The following CD36 variants were observed in gnomAD, a reference collection of about 807,000 sequenced individuals.
The protein encoded by CD36 is platelet glycoprotein 4.
Under a neutral mutation model 55.2 loss-of-function variants are expected in CD36, and 119 were observed. The observed-to-expected ratio is 2.15, with a 90% confidence interval of 1.86 to 2.51. The LOEUF is 2.51. CD36 is among the 30% of genes most tolerant of loss of function. The probability of loss-of-function intolerance (pLI) is 0.00; values close to 1 mark genes in which losing one functional copy is unlikely to be tolerated. For synonymous variants in CD36, 186 were observed against 193.6 expected, an observed-to-expected ratio of 0.96 and a Z score of 0.33; for missense variants, 819 against 555.5, an observed-to-expected ratio of 1.47 and a Z score of -4.77.
intron 1 of CD36, among the ~76,000 whole-genome samples, chr7:80,617,060 A>G (rs1279423442): frequency 2.0e-5 from 3 of 152,226 alleles, no homozygotes; most frequent in African/African-American, 7.2e-5. Context: ...AATCACATAG[A>G]CATGAAATAT....
chr7:80,633,874 T>C (rs1308279840), upstream of CD36, among the ~76,000 whole-genome samples: 2 of 152,024 alleles, frequency 1.3e-5, no homozygotes, highest in Non-Finnish European at 2.9e-5. Flanking sequence ...TAGAATGAAA[T>C]TTTATGTTTT....
intron 1 of CD36, among the ~76,000 whole-genome samples, chr7:80,614,560 A>G (rs1562770679): frequency 6.6e-6 from 1 of 151,938 alleles, no homozygotes; most frequent in Non-Finnish European, 1.5e-5. Context: ...TTAGTCTGTG[A>G]TTTTTTTGCA....
chr7:80,651,554 C>G (rs1425112853), intron 3 of CD36, among the ~76,000 whole-genome samples: 1 of 152,028 alleles, frequency 6.6e-6, no homozygotes, highest in Non-Finnish European at 1.5e-5. Flanking sequence ...AACAATGATC[C>G]TTCTGTAGCT....
At chr7:80,664,107 C>T (rs1796790410) in intron 6 of CD36, among the ~76,000 whole-genome samples, 1 of 151,910 alleles carries the variant, frequency 6.6e-6, no homozygotes, top group African/African-American at 2.4e-5. Context: ...GTTCAATGTC[C>T]CTCACCTCAA....
At chr7:80,628,930 A>G (rs1349779434) in intron 1 of CD36, among the ~76,000 whole-genome samples, 1 of 152,066 alleles carries the variant, frequency 6.6e-6, no homozygotes, top group Non-Finnish European at 1.5e-5. Context: ...GTTTCTGACT[A>G]GCTTCTCCAA....
intron 1 of CD36, among the ~76,000 whole-genome samples, chr7:80,606,557 T>C (rs1246928691): frequency 6.6e-6 from 1 of 152,230 alleles, no homozygotes; most frequent in Non-Finnish European, 1.5e-5. Flanking sequence ...TTCCCCAGTC[T>C]GCATGCAAAA....
chr7:80,673,280 G>A (rs1485738098), intron 12 of CD36, 75 bp from the exon 13 acceptor site: 3 of 702,368 alleles, frequency 4.3e-6, no homozygotes, highest in Non-Finnish European at 7.3e-6. Context: ...ACTAATTTAT[G>A]AACATTTATT....
At chr7:80,662,524 A>G (rs956653973) in intron 5 of CD36, 4 of 291,032 alleles carry the variant, frequency 1.4e-5, no homozygotes, top group Admixed American at 7.2e-5. Flanking sequence ...CACGCCTGCA[A>G]CAATTGTCTG....
Position 80,670,230 on chromosome 7 carries a change from A to C in CD36, c.818+208A>C, listed in dbSNP as rs1032013081. 3.4e-5 allele frequency: 19 copies of C among 565,698 alleles called. No individual in the cohort carries two copies. The African/African-American group carries it at 3.4e-4, about 10-fold the overall frequency. 35.0% of individuals were successfully genotyped at this position (565,698 alleles called of 1,614,324 possible). ...CTAAGCAAGAACCATTTTGCCTTTT[A>C]AAAACTAAACTAGTAGTCTATTAAC... is the stretch of plus-strand genomic sequence containing the variant. On this transcript the variant is annotated intron_variant, in intron 9 of 14. Coordinates refer to ENST00000447544, the MANE Select transcript of CD36 (RefSeq NM_001001548.3).
chr7:80,634,954 A>G (rs1231410840), upstream of CD36, among the ~76,000 whole-genome samples: 1 of 152,182 alleles, frequency 6.6e-6, no homozygotes, highest in Non-Finnish European at 1.5e-5. Context: ...AATTAAAAAA[A>G]AATTGTCAAA....
intron 1 of CD36, among the ~76,000 whole-genome samples, chr7:80,627,035 C>A (rs1254435591): frequency 2.0e-5 from 3 of 151,976 alleles, no homozygotes; most frequent in Non-Finnish European, 4.4e-5. Flanking sequence ...CTGAGACAGA[C>A]TATTACAAGG....
Position 80,673,964 on chromosome 7 carries a change from A to G in CD36, c.1255-19A>G. The G allele has an allele frequency of 6.2e-7, 1 of 1,602,564 alleles. No homozygotes were observed. The highest frequency in any genetic ancestry group is 8.5e-7 in the Non-Finnish European group (1 of 1,170,584). ...TTACTAACGTACCCAAATAATGTTG[A>G]TTATTAACTTGATTACAGACTGGGA... On this transcript the variant is annotated intron_variant, in intron 13 of 14. Coordinates refer to ENST00000447544, the MANE Select transcript of CD36 (RefSeq NM_001001548.3).
At chr7:80,635,161 G>A (rs545962930), upstream of CD36, among the ~76,000 whole-genome samples, 79 of 152,164 alleles carry the variant, frequency 5.2e-4, no homozygotes, top group Middle Eastern at 3.4e-3. Flanking sequence ...GGGGATTGAG[G>A]CCTCTCATTG....
chr7:80,646,615 T>G, intron 2 of CD36, 37 bp from the exon 3 acceptor site: 1 of 1,153,954 alleles, frequency 8.7e-7, no homozygotes, highest in Non-Finnish European at 1.3e-6. Flanking sequence ...TGTACTGATA[T>G]TTAAGCTTCT....
chr7:80,603,998 A>G (rs1792393035), intron 1 of CD36, among the ~76,000 whole-genome samples: 1 of 152,106 alleles, frequency 6.6e-6, no homozygotes, highest in Non-Finnish European at 1.5e-5. Context: ...GCTTCAGGTT[A>G]AATTGTTTTG....
At position 80,667,762 on chromosome 7, in the gene CD36, T is replaced by G. The variant is rs201070111; in HGVS notation, c.748+1273T>G. On this transcript the variant is annotated intron_variant, in intron 8 of 14. Coordinates refer to ENST00000447544, the MANE Select transcript of CD36 (RefSeq NM_001001548.3). The stretch of plus-strand genomic sequence containing the variant: ...GTTTTCTTTTGTTTTTTTTTTTTTT[T>G]TTTTTTGAGACATAGTCTGGCTCTG... 1.8e-4 allele frequency among the ~76,000 whole-genome samples: 13 copies of G among 72,304 alleles called. 1 individual carries two copies. The East Asian group carries it at 2.6e-3, about 14-fold the overall frequency. 47.4% of individuals were successfully genotyped at this position (72,304 alleles called of 152,430 possible).
At chr7:80,607,045 G>A (rs1289178232) in intron 1 of CD36, among the ~76,000 whole-genome samples, 1 of 152,148 alleles carries the variant, frequency 6.6e-6, no homozygotes, top group Non-Finnish European at 1.5e-5. Flanking sequence ...ATTAAACAAA[G>A]TGAAAAATAA....
At chr7:80,632,084 C>T (rs1202146694) in intron 1 of CD36, among the ~76,000 whole-genome samples, 1 of 151,680 alleles carries the variant, frequency 6.6e-6, no homozygotes, top group Admixed American at 6.6e-5. Context: ...GCAAAACCTT[C>T]CCTTAAGGTT....
intron 2 of CD36, 177 bp from the exon 3 acceptor site, chr7:80,646,475 C>CA (rs1795176134): frequency 2.2e-6 from 1 of 463,326 alleles, no homozygotes; most frequent in Non-Finnish European, 4.0e-6. Flanking sequence ...CACTGGTAGG[C>CA]ATTAGAAGCA....
Sources: allele counts gnomAD v4.1 joint callset (sites outside exome capture counted in the v4.1 genomes callset), GRCh38; gene constraint gnomAD v4.1.1; transcripts MANE v1.5; gene names NCBI Gene and HGNC (gene_info 2026-07-23, HGNC 2026-07-21).